Variants in SGCD observed in about 807,000 individuals in gnomAD.
SGCD encodes delta-sarcoglycan.
Under a neutral mutation model 36.6 loss-of-function variants are expected in SGCD, and 18 were observed. The ratio of observed to expected loss-of-function variants is 0.49; its 90% confidence interval spans 0.34 to 0.73. The LOEUF is 0.73. SGCD is among the 30% of genes least tolerant of loss of function. The pLI is 0.01. For missense variants in SGCD, 387 were observed against 346.7 expected (o/e 1.12, Z -0.92); for synonymous variants, 133 against 130.6 (o/e 1.02, Z -0.12).
intron 3 of SGCD, among the ~76,000 whole-genome samples, chr5:156,361,239 C>G (rs375188067): frequency 1.3e-4 from 20 of 152,190 alleles, no homozygotes; most frequent in African/African-American, 4.8e-4. Flanking sequence ...TGTTGCAAGT[C>G]CAATGAAGGG....
chr5:156,558,957 A>T (rs921073428), intron 4 of SGCD, among the ~76,000 whole-genome samples: 4 of 152,196 alleles, frequency 2.6e-5, no homozygotes, highest in Admixed American at 2.6e-4. Context: ...TTAGAAGGCA[A>T]AAGCCAGCAT....
intron 1 of SGCD, among the ~76,000 whole-genome samples, chr5:156,021,747 A>G (rs1759104687): frequency 2.6e-5 from 4 of 152,108 alleles, no homozygotes; most frequent in Admixed American, 2.6e-4. Flanking sequence ...TGTGAGCCGG[A>G]GCCTGGCATA....
At chr5:156,047,147 G>A (rs916696505) in intron 1 of SGCD, among the ~76,000 whole-genome samples, 12 of 152,052 alleles carry the variant, frequency 7.9e-5, no homozygotes, top group African/African-American at 2.9e-4. Context: ...GAGAGATGAG[G>A]AAGCTGCAGA....
At chr5:156,340,911 G>A (rs6870744) in intron 2 of SGCD, among the ~76,000 whole-genome samples, 65,002 of 151,824 alleles carry the variant, frequency 0.43, 14,263 homozygotes, top group East Asian at 0.79. Flanking sequence ...TTCCATGCAG[G>A]ATTCTTTATA....
chr5:155,835,077 G>A, the SGCD span, among the ~76,000 whole-genome samples: 2 of 135,936 alleles, frequency 1.5e-5, no homozygotes, highest in Admixed American at 8.7e-5. Context: ...ACGTGATCTC[G>A]GCTCAACGCA....
chr5:156,306,093 C>T (rs1333228067), intron 3 of SGCD, among the ~76,000 whole-genome samples: 1 of 152,146 alleles, frequency 6.6e-6, no homozygotes, highest in African/African-American at 2.4e-5. Flanking sequence ...TGAGTTAAGA[C>T]TTTAAGGGAC....
At chr5:155,876,099 G>A (rs1328828617) in intron 1 of SGCD, among the ~76,000 whole-genome samples, 1 of 148,012 alleles carries the variant, frequency 6.8e-6, no homozygotes, top group Non-Finnish European at 1.5e-5. Context: ...TGCACATTGT[G>A]CAGGTTAGTT....
At chr5:155,853,220 G>A in the SGCD span, among the ~76,000 whole-genome samples, 19 of 150,694 alleles carry the variant, frequency 1.3e-4, no homozygotes, top group East Asian at 2.9e-3. Flanking sequence ...TGCATTGATC[G>A]ATATTTAATA....
intron 1 of SGCD, among the ~76,000 whole-genome samples, chr5:156,069,782 T>A (rs112655241): frequency 6.6e-6 from 1 of 150,450 alleles, no homozygotes; most frequent in African/African-American, 2.5e-5. Flanking sequence ...TTCTTCCATT[T>A]GTTTGTATCC....
At chr5:156,452,981 G>C (rs1228881215) in intron 3 of SGCD, among the ~76,000 whole-genome samples, 4 of 152,126 alleles carry the variant, frequency 2.6e-5, no homozygotes, top group Non-Finnish European at 5.9e-5. Context: ...ACATTAGGTA[G>C]AATAGTTTTA....
intron 7 of SGCD, among the ~76,000 whole-genome samples, chr5:156,754,146 C>T (rs1757253828): frequency 6.6e-6 from 1 of 152,160 alleles, no homozygotes; most frequent in Non-Finnish European, 1.5e-5. Flanking sequence ...ATTTCTGAGT[C>T]TACCTCTCCG....
chr5:155,824,093 G>T, the SGCD span, among the ~76,000 whole-genome samples: 1 of 152,096 alleles, frequency 6.6e-6, no homozygotes, highest in Non-Finnish European at 1.5e-5. Flanking sequence ...CACTAACATT[G>T]CCTGGAAGTA....
At chr5:156,561,433 G>A (rs1432847152) in intron 4 of SGCD, among the ~76,000 whole-genome samples, 1 of 152,202 alleles carries the variant, frequency 6.6e-6, no homozygotes, top group Non-Finnish European at 1.5e-5. Context: ...TGAAACCATA[G>A]CAAAAGACTG....
chr5:156,011,809 A>T (rs185269911), intron 1 of SGCD, among the ~76,000 whole-genome samples: 1 of 152,328 alleles, frequency 6.6e-6, no homozygotes, highest in Non-Finnish European at 1.5e-5. Flanking sequence ...CTGTAAATCC[A>T]GATCTCTCAC....
intron 3 of SGCD, chr5:156,458,352 G>T (rs1754344231): frequency 2.5e-6 from 3 of 1,204,872 alleles, no homozygotes; most frequent in Non-Finnish European, 3.6e-6. Context: ...GGTTTTGGGG[G>T]ATTACTTTTC....
chr5:156,540,040 A>G (rs1416044049), intron 4 of SGCD, among the ~76,000 whole-genome samples: 1 of 152,150 alleles, frequency 6.6e-6, no homozygotes, highest in African/African-American at 2.4e-5. Flanking sequence ...CCTTGAAAAC[A>G]TAAACAATTG....
intron 3 of SGCD, among the ~76,000 whole-genome samples, chr5:156,354,053 AC>A (rs58533381): frequency 0.17 from 26,137 of 152,188 alleles, 2,950 homozygotes; most frequent in African/African-American, 0.32. Flanking sequence ...TTGTGTAGAA[AC>A]TAAAGATTAG....
chr5:156,667,620 G>A (rs1753105897), intron 7 of SGCD, among the ~76,000 whole-genome samples: 1 of 152,216 alleles, frequency 6.6e-6, no homozygotes, highest in Non-Finnish European at 1.5e-5. Context: ...CAGCATCCAT[G>A]TTGGTCAGTA....
chr5:156,596,241 G>A (rs1760921087), intron 6 of SGCD, among the ~76,000 whole-genome samples: 1 of 151,956 alleles, frequency 6.6e-6, no homozygotes, highest in Non-Finnish European at 1.5e-5. Context: ...TCCTTCTTTA[G>A]CTCCCTGAGA....
Sources: allele counts gnomAD v4.1 joint callset (sites outside exome capture counted in the v4.1 genomes callset), GRCh38; gene constraint gnomAD v4.1.1; transcripts MANE v1.5; gene names NCBI Gene and HGNC (gene_info 2026-07-23, HGNC 2026-07-21).